CNTNAP2: variants seen among roughly 807,000 people sequenced by gnomAD.
The protein encoded by CNTNAP2 is contactin-associated protein-like 2.
Under a neutral mutation model 155.2 loss-of-function variants are expected in CNTNAP2, and 98 were observed. The ratio of observed to expected loss-of-function variants is 0.63; its 90% confidence interval spans 0.54 to 0.75. CNTNAP2 has a LOEUF of 0.75. CNTNAP2 is among the 30% of genes least tolerant of loss of function. The pLI, the probability that CNTNAP2 is intolerant of heterozygous loss-of-function variation, is 0.00. For synonymous variants in CNTNAP2, 651 were observed against 631.2 expected (o/e 1.03, Z -0.47); for missense variants, 1,727 against 1,688.1 (o/e 1.02, Z -0.40).
At chr7:147,477,281 T>A (rs13245441) in intron 10 of CNTNAP2, among the ~76,000 whole-genome samples, 6 of 152,188 alleles carry the variant, frequency 3.9e-5, no homozygotes, top group South Asian at 4.1e-4. Context: ...TGAAACTTCC[T>A]TGTTATATAA....
At chr7:146,542,556 A>G (rs1023329452) in intron 1 of CNTNAP2, among the ~76,000 whole-genome samples, 4 of 151,756 alleles carry the variant, frequency 2.6e-5, no homozygotes, top group African/African-American at 9.7e-5. Context: ...TTTGGCCCCT[A>G]AACTCTAAAG....
At chr7:146,947,431 CAT>C (rs1440605961) in intron 3 of CNTNAP2, among the ~76,000 whole-genome samples, 1 of 116,056 alleles carries the variant, frequency 8.6e-6, no homozygotes, top group Non-Finnish European at 1.8e-5. Context: ...TATATATATA[CAT>C]ACACACACAC....
At chr7:146,159,689 ACTAT>A (rs1798185994) in intron 1 of CNTNAP2, among the ~76,000 whole-genome samples, 1 of 152,236 alleles carries the variant, frequency 6.6e-6, no homozygotes, top group Admixed American at 6.5e-5. Flanking sequence ...AGAAGAGCTA[ACTAT>A]CCTAAATATA....
intron 1 of CNTNAP2, among the ~76,000 whole-genome samples, chr7:146,617,481 T>C (rs757954813): frequency 9.2e-5 from 14 of 152,048 alleles, no homozygotes; most frequent in Non-Finnish European, 2.1e-4. Context: ...AATACTTTGA[T>C]TCATAATTCT....
chr7:146,771,496 C>T (rs555132534), intron 1 of CNTNAP2, among the ~76,000 whole-genome samples: 7 of 152,200 alleles, frequency 4.6e-5, no homozygotes, highest in South Asian at 2.1e-4. Flanking sequence ...TAGATGTTTT[C>T]GATTAATATG....
At chr7:146,451,959 A>G (rs532181024) in intron 1 of CNTNAP2, among the ~76,000 whole-genome samples, 2 of 150,896 alleles carry the variant, frequency 1.3e-5, no homozygotes, top group South Asian at 2.1e-4. Flanking sequence ...CCCAGGCTGG[A>G]GTGCAGTGGC....
intron 15 of CNTNAP2, among the ~76,000 whole-genome samples, chr7:148,022,972 G>T (rs746024029): frequency 2.0e-5 from 3 of 152,100 alleles, no homozygotes; most frequent in Non-Finnish European, 4.4e-5. Flanking sequence ...TATCTCATCG[G>T]CAGTAATAGC....
intron 8 of CNTNAP2, among the ~76,000 whole-genome samples, chr7:147,281,092 G>C (rs951935854): frequency 1.2e-4 from 18 of 148,732 alleles, no homozygotes; most frequent in African/African-American, 4.7e-4. Flanking sequence ...AACTCTGGCT[G>C]TTACACAGAA....
At chr7:148,048,189 G>C (rs1802810351) in intron 15 of CNTNAP2, among the ~76,000 whole-genome samples, 1 of 151,856 alleles carries the variant, frequency 6.6e-6, no homozygotes, top group Admixed American at 6.6e-5. Context: ...CTCCCAAAGT[G>C]CTGGGATTAC....
chr7:148,416,394 G>C lies in CNTNAP2; in HGVS notation c.*778G>C, dbSNP rs998395047. On this transcript the variant is annotated 3_prime_UTR_variant, in exon 24 of 24. Transcript: ENST00000361727. ...CTTAGACCAATAGCTGTAACTATCA[G>C]CTGCAATACCATGGTGACCAGCTGT... is the stretch of plus-strand genomic sequence containing the variant. 2.0e-5 allele frequency: 3 copies of C among 152,160 alleles called. No homozygotes were observed. The highest frequency in any genetic ancestry group is 4.4e-5 in the Non-Finnish European group (3 of 68,042). 9.4% of individuals were successfully genotyped at this position (152,160 alleles called of 1,614,324 possible). A position where few individuals can be genotyped will look rare whatever the true frequency, so the allele number is the denominator to read the frequency against.
At position 148,330,782 on chromosome 7, in the gene CNTNAP2, A is replaced by C. The variant is rs1052432977; in HGVS notation, c.3476-52867A>C. On this transcript the variant is annotated intron_variant, in intron 21 of 23. Coordinates refer to ENST00000361727, the MANE Select transcript of CNTNAP2 (RefSeq NM_014141.6). ...CGGATGGAATGGACAGATGGAGTTG[A>C]TGGATGGAATGGATGGATGGATGGA... 1.8e-4 allele frequency among the ~76,000 whole-genome samples: 20 copies of C among 113,984 alleles called. No individual in the cohort carries two copies. The South Asian group carries it at 6.7e-3, about 38-fold the overall frequency. 74.8% of individuals were successfully genotyped at this position (113,984 alleles called of 152,430 possible). A position where few individuals can be genotyped will look rare whatever the true frequency, so the allele number is the denominator to read the frequency against.
At chr7:146,185,891 A>G (rs1269079747) in intron 1 of CNTNAP2, among the ~76,000 whole-genome samples, 3 of 151,510 alleles carry the variant, frequency 2.0e-5, no homozygotes, top group South Asian at 4.2e-4. Flanking sequence ...TGTCTGGAGT[A>G]TGTCCTCAGA....
At position 147,546,389 on chromosome 7, in the gene CNTNAP2, T is replaced by A. The variant is rs375634293; in HGVS notation, c.1778-15749T>A. On this transcript the variant is annotated intron_variant, in intron 11 of 23. Coordinates refer to ENST00000361727, the MANE Select transcript of CNTNAP2 (RefSeq NM_014141.6). ...GAAGTTACTTACTGTTTAATAACAG[T>A]TTATATTACTTATATATTAATTCAT... Among the ~76,000 whole-genome samples the A allele has an allele frequency of 8.5e-5, 13 of 152,312 alleles. No individual in the cohort carries two copies. The South Asian group carries it at 1.0e-3, about 12-fold the overall frequency.
chr7:146,971,735 C>G (rs1448024513), intron 3 of CNTNAP2, among the ~76,000 whole-genome samples: 1 of 152,104 alleles, frequency 6.6e-6, no homozygotes, highest in Admixed American at 6.6e-5. Context: ...GGCACTCATT[C>G]CATTCATGAG....
intron 1 of CNTNAP2, among the ~76,000 whole-genome samples, chr7:146,307,355 C>A (rs1171755301): frequency 6.6e-6 from 1 of 152,132 alleles, no homozygotes; most frequent in Non-Finnish European, 1.5e-5. Flanking sequence ...GAAGAACATT[C>A]CATGCTCATG....
intron 1 of CNTNAP2, among the ~76,000 whole-genome samples, chr7:146,141,651 G>T (rs373965908): frequency 1.3e-5 from 2 of 151,820 alleles, no homozygotes; most frequent in African/African-American, 4.8e-5. Flanking sequence ...TCCTACTTTA[G>T]GTGGTTTTCT....
At chr7:146,226,504 C>G (rs1799295295) in intron 1 of CNTNAP2, among the ~76,000 whole-genome samples, 1 of 151,874 alleles carries the variant, frequency 6.6e-6, no homozygotes, top group Admixed American at 6.6e-5. Context: ...ACAAAAAATA[C>G]AAAAATTGAC....
At chr7:148,267,758 G>A (rs931753973) in intron 21 of CNTNAP2, among the ~76,000 whole-genome samples, 6 of 152,054 alleles carry the variant, frequency 3.9e-5, no homozygotes, top group Admixed American at 6.6e-5. Flanking sequence ...TGTTTGGTGC[G>A]TGGCATAAAC....
At chr7:147,671,064 T>A (rs1163387425) in intron 13 of CNTNAP2, among the ~76,000 whole-genome samples, 1 of 152,208 alleles carries the variant, frequency 6.6e-6, no homozygotes, top group East Asian at 1.9e-4. Flanking sequence ...TGCCTCCACT[T>A]ACCCGTGTGC....
Sources: allele counts gnomAD v4.1 joint callset (sites outside exome capture counted in the v4.1 genomes callset), GRCh38; gene constraint gnomAD v4.1.1; transcripts MANE v1.5; gene names NCBI Gene and HGNC (gene_info 2026-07-23, HGNC 2026-07-21).